Variants in NCR1 observed in about 807,000 individuals in gnomAD.
The protein encoded by NCR1 is natural cytotoxicity triggering receptor 1.
Under a neutral mutation model 32.5 loss-of-function variants are expected in NCR1, and 30 were observed. That is an observed-to-expected ratio of 0.92 (90% CI 0.69 to 1.25). NCR1 has a LOEUF of 1.25. NCR1 is among the 50% of genes most tolerant of loss of function. The probability of loss-of-function intolerance (pLI) is 0.00; values close to 1 mark genes in which losing one functional copy is unlikely to be tolerated. For missense variants in NCR1, 369 were observed against 380.7 expected, an observed-to-expected ratio of 0.97 and a Z score of 0.26; for synonymous variants, 169 against 143.4, an observed-to-expected ratio of 1.18 and a Z score of -1.28.
chr19:54,923,813 T>C, the NCR1 span: 2 of 1,613,940 alleles, frequency 1.2e-6, no homozygotes, highest in Non-Finnish European at 1.7e-6. Flanking sequence ...CTTGGGATTC[T>C]TTTCTTTCAC....
chr19:54,909,958 A>T, intron 4 of NCR1, 60 bp from the exon 5 acceptor site: 3 of 1,291,990 alleles, frequency 2.3e-6, no homozygotes, highest in Non-Finnish European at 3.3e-6. Flanking sequence ...AAAAAAAAAG[A>T]ATGGCAAGAC....
At chr19:54,929,749 C>T in the NCR1 span, among the ~76,000 whole-genome samples, 1 of 152,140 alleles carries the variant, frequency 6.6e-6, no homozygotes, top group Non-Finnish European at 1.5e-5. Flanking sequence ...AGTGCCCACC[C>T]ACATATATTC....
chr19:54,905,543 C>T (rs2067536047), upstream of NCR1, among the ~76,000 whole-genome samples: 1 of 152,130 alleles, frequency 6.6e-6, no homozygotes, highest in African/African-American at 2.4e-5. Flanking sequence ...CACATTATTC[C>T]TTACTTTTCA....
At chr19:54,910,174 C>A in intron 5 of NCR1, 109 bp downstream of exon 5, 3 of 1,081,832 alleles carry the variant, frequency 2.8e-6, no homozygotes, top group Non-Finnish European at 1.4e-6. Context: ...TGGTGGCTCA[C>A]GCCTGTAATC....
chr19:54,900,419 C>T, the NCR1 span, among the ~76,000 whole-genome samples: 46 of 152,126 alleles, frequency 3.0e-4, no homozygotes, highest in East Asian at 5.8e-3. Context: ...GCTTTTGAGC[C>T]GGGATGAGCC....
the NCR1 span, among the ~76,000 whole-genome samples, chr19:54,937,210 T>G: frequency 6.8e-6 from 1 of 146,026 alleles, no homozygotes; most frequent in Non-Finnish European, 1.5e-5. Context: ...ATAGCGAGAC[T>G]GTCTCAAAAA....
In NCR1 at chr19:54,909,269, C is replaced by A. The variant is rs142626797; in HGVS notation, c.380C>A (p.Ser127Ter). ...VTEMYDTPTL[S>*]VHPGPEVISG... ...GAAATGTATGACACACCCACCCTCT[C>A]GGTTCATCCTGGACCCGAAGTGATC... Residue 127 changes from serine (S) to a stop codon, truncating the protein, a stop_gained, in exon 4 of 7, where the codon TCG becomes TAG. Transcript: ENST00000291890. LOFTEE classifies it high-confidence loss of function. 6.2e-7 allele frequency: 1 copy of A among 1,613,506 alleles called. No individual in the cohort carries two copies. Among genetic ancestry groups the A allele is most frequent in the East Asian group, 2.2e-5 (1 of 44,844 alleles).
chr19:54,923,805 T>G, the NCR1 span: 1 of 1,614,146 alleles, frequency 6.2e-7, no homozygotes, highest in Non-Finnish European at 8.5e-7. Flanking sequence ...ATAGTCAGCT[T>G]GGGATTCTTT....
At chr19:54,903,694 T>TAC (rs2067379042), upstream of NCR1, among the ~76,000 whole-genome samples, 2 of 148,994 alleles carry the variant, frequency 1.3e-5, no homozygotes, top group Admixed American at 6.8e-5. Flanking sequence ...TATATATGTG[T>TAC]ATATATATAA....
chr19:54,903,375 C>CATATATGCATATATACATACATGTAT (rs2067348264), upstream of NCR1, among the ~76,000 whole-genome samples: 1 of 119,102 alleles, frequency 8.4e-6, no homozygotes, highest in Admixed American at 8.3e-5. Context: ...TGTATATATA[C>CATATATGCATATATACATACATGTAT]ATGTATGTAT....
At chr19:54,936,101 G>A in the NCR1 span, among the ~76,000 whole-genome samples, 1 of 152,110 alleles carries the variant, frequency 6.6e-6, no homozygotes, top group African/African-American at 2.4e-5. Flanking sequence ...CAAGCTGGTG[G>A]GGGAAAGAGG....
the NCR1 span, among the ~76,000 whole-genome samples, chr19:54,926,205 GGTGTGTGTGTGT>G: frequency 1.4e-5 from 2 of 143,642 alleles, no homozygotes; most frequent in African/African-American, 5.0e-5. Flanking sequence ...AATGATTAGG[GGTGTGTGTGTGT>G]GTGTGTGTGT....
chr19:54,912,460 G>T (rs3826881), intron 6 of NCR1, among the ~76,000 whole-genome samples: 3 of 151,326 alleles, frequency 2.0e-5, no homozygotes, highest in South Asian at 2.1e-4. Context: ...TTAGCCAGGC[G>T]TGGTGGCGTG....
chr19:54,916,317 C>CTTTTTTTTTCTTTTTTTTTTTTTTTTTTT (rs2068131168), downstream of NCR1, among the ~76,000 whole-genome samples: 1 of 87,122 alleles, frequency 1.1e-5, no homozygotes, highest in Non-Finnish European at 2.3e-5. Context: ...GAATATTGTG[C>CTTTTTTTTTCTTTTTTTTTTTTTTTTTTT]TTTTTTTTTT....
upstream of NCR1, among the ~76,000 whole-genome samples, chr19:54,905,078 A>G (rs1253842001): frequency 6.6e-6 from 1 of 152,000 alleles, no homozygotes; most frequent in East Asian, 1.9e-4. Flanking sequence ...AGAATGATTT[A>G]TTTTCCTTTG....
At chr19:54,933,729 A>T in the NCR1 span, 4 of 1,614,108 alleles carry the variant, frequency 2.5e-6, no homozygotes, top group African/African-American at 1.3e-5. Context: ...GTAAGACGAC[A>T]GTTTTCCAAC....
upstream of NCR1, among the ~76,000 whole-genome samples, chr19:54,901,195 C>A (rs941103381): frequency 6.1e-5 from 9 of 147,826 alleles, no homozygotes; most frequent in African/African-American, 2.3e-4. Context: ...GAGGCTGAGG[C>A]AGGAGAATGG....
At chr19:54,933,406 A>C in the NCR1 span, among the ~76,000 whole-genome samples, 3 of 152,108 alleles carry the variant, frequency 2.0e-5, no homozygotes, top group African/African-American at 7.2e-5. Context: ...CGGCCTCCCA[A>C]AGTGCTGGGA....
intron 3 of NCR1, among the ~76,000 whole-genome samples, chr19:54,907,237 C>T (rs1220950241): frequency 6.6e-6 from 1 of 151,030 alleles, no homozygotes; most frequent in East Asian, 1.9e-4. Flanking sequence ...GTCACTGCAA[C>T]CTCCACCTCC....
Sources: allele counts gnomAD v4.1 joint callset (sites outside exome capture counted in the v4.1 genomes callset), GRCh38; gene constraint gnomAD v4.1.1; transcripts MANE v1.5; gene names NCBI Gene and HGNC (gene_info 2026-07-23, HGNC 2026-07-21).